Variants in DDX43 observed in about 807,000 individuals in gnomAD.
DDX43 encodes DEAD-box helicase 43.
Under a neutral mutation model 84.9 loss-of-function variants are expected in DDX43, and 50 were observed. The observed-to-expected ratio is 0.59, with a 90% confidence interval of 0.47 to 0.75. DDX43 has a LOEUF of 0.75. Among genes scored for constraint, DDX43 ranks in the 30% least tolerant of loss-of-function variants. DDX43 has a pLI of 0.00. For missense variants in DDX43, 689 were observed against 798.6 expected (o/e 0.86, Z 1.65); for synonymous variants, 291 against 266.3 (o/e 1.09, Z -0.90).
In DDX43 at chr6:73,405,752, A is replaced by G; in HGVS notation, c.724A>G (p.Thr242Ala). 1 of 1,614,152 alleles carries G rather than the reference A, an allele frequency of 6.2e-7. No individual in the cohort carries two copies. The highest frequency in any genetic ancestry group is 1.1e-5 in the South Asian group (1 of 91,080). The change falls in exon 6 of 17, where the codon ACA (threonine) becomes GCA (alanine). Residue 242 changes from threonine to alanine, a missense_variant. Transcript: ENST00000370336. ...EKRPIPNPTC[T>A]FDDAFQCYPE... ...ACGACCTATCCCCAATCCTACCTGC[A>G]CATTTGATGACGCCTTTCAATGTTA...
intron 12 of DDX43, 62 bp from the exon 13 acceptor site, chr6:73,413,908 G>GA: frequency 6.6e-7 from 1 of 1,524,014 alleles, no homozygotes; most frequent in Non-Finnish European, 9.0e-7. Context: ...TTTGCTAACA[G>GA]AAGTAAAACT....
In DDX43 at chr6:73,417,263, G is replaced by A. The variant is rs1052037799; in HGVS notation, c.*102G>A. On this transcript the variant is annotated 3_prime_UTR_variant, in exon 17 of 17. Coordinates refer to ENST00000370336, the MANE Select transcript of DDX43 (RefSeq NM_018665.3). Reference sequence around the variant, plus strand: ...CAGTATGAAGAGACCGGACTGATTTGACTGATTCTTAAAATAATAGTGTTT... The same window carrying A: ...CAGTATGAAGAGACCGGACTGATTTAACTGATTCTTAAAATAATAGTGTTT... 3.9e-5 allele frequency: 6 copies of A among 152,140 alleles called. No homozygotes were observed. The allele number at this position is 152,140 out of a possible 1,614,324, so 9.4% of individuals were successfully genotyped here. A position where few individuals can be genotyped will look rare whatever the true frequency, so the allele number is the denominator to read the frequency against.
At chr6:73,407,094 A>T (rs1229238697) in intron 7 of DDX43, 1 of 158,492 alleles carries the variant, frequency 6.3e-6, no homozygotes, top group East Asian at 1.9e-4. Flanking sequence ...GCATAGTCTG[A>T]CTATGTCTAA....
chr6:73,413,697 G>A lies in DDX43; in HGVS notation c.1408G>A (p.Glu470Lys), dbSNP rs139701102. ...SVKQNIIVTTEEEKWSHMQTF... is the reference protein window; with the variant it reads ...SVKQNIIVTTKEEKWSHMQTF... ...GAAGCAAAATATAATTGTAACCACC[G>A]AGGAAGAGAAATGGAGTCACATGCA... Residue 470 changes from glutamate (E) to lysine (K), a missense_variant, in exon 12 of 17, where the codon GAG (glutamate) becomes AAG (lysine). Physicochemically the swap from Glu to Lys is moderately conservative, Grantham distance 56. Coordinates refer to ENST00000370336, the MANE Select transcript of DDX43 (RefSeq NM_018665.3). 1.1e-5 allele frequency: 18 copies of A among 1,613,650 alleles called. No individual in the cohort carries two copies. The highest frequency in any genetic ancestry group is 6.7e-5 in the East Asian group (3 of 44,850).
In DDX43 at chr6:73,406,363, G is replaced by A. The variant is rs143150591; in HGVS notation, c.808-1G>A. The stretch of plus-strand genomic sequence containing the variant: ...TGTTAATGTTTATCATTCCGTTTCA[G>A]TCACAGGCATGGCCCATTGTGTTGC... On this transcript the variant is annotated splice_acceptor_variant, in intron 6 of 16. Transcript: ENST00000370336. LOFTEE classifies it high-confidence loss of function. The A allele has an allele frequency of 6.3e-7, 1 of 1,598,254 alleles. No homozygotes were observed. Among genetic ancestry groups the A allele is most frequent in the African/African-American group, 1.3e-5 (1 of 74,580 alleles).
rs538597626 is a variant in DDX43, at chr6:73,412,668, T to TGTGTGC, written c.1368+377_1368+378insTGTGCG. Among the ~76,000 whole-genome samples, 281 of 108,392 alleles carry TGTGTGC rather than the reference T, an allele frequency of 2.6e-3. 7 individuals carry two copies. Among genetic ancestry groups the TGTGTGC allele is most frequent in the Middle Eastern group, 4.5e-3 (1 of 224 alleles). 71.1% of individuals were successfully genotyped at this position (108,392 alleles called of 152,430 possible). A position where few individuals can be genotyped will look rare whatever the true frequency, so the allele number is the denominator to read the frequency against. On this transcript the variant is annotated intron_variant, in intron 11 of 16. Coordinates refer to ENST00000370336, the MANE Select transcript of DDX43 (RefSeq NM_018665.3). ...GTGTGTGTGTGTGTGTGTGTGTGTG[T>TGTGTGC]GCGCGCGCGCGTGTGTGTGTGTGCG...
intron 12 of DDX43, 58 bp from the exon 13 acceptor site, chr6:73,413,912 T>C: frequency 6.5e-7 from 1 of 1,527,942 alleles, no homozygotes; most frequent in South Asian, 1.2e-5. Context: ...CTAACAGAAG[T>C]AAAACTGGTG....
Position 73,407,969 on chromosome 6 carries a change from A to C in DDX43, c.1047A>C (p.Val349=). 1 of 1,613,206 alleles carries C rather than the reference A, an allele frequency of 6.2e-7. No individual in the cohort carries two copies. Among genetic ancestry groups the C allele is most frequent in the Non-Finnish European group, 8.5e-7 (1 of 1,179,332 alleles). The change falls in exon 9 of 17, where the codon GTA becomes GTC. Residue 349 remains valine, a synonymous_variant. Transcript: ENST00000370336. Reference sequence around the variant, plus strand: ...ATTTTTTCTTTTTAAGTGTTTGTGTATATGGTGGTGGAAATAGAGATGAAC... The same window carrying C: ...ATTTTTTCTTTTTAAGTGTTTGTGTCTATGGTGGTGGAAATAGAGATGAAC... ...YSYKGLRSVC[V]YGGGNRDEQI... is the part of the protein sequence containing the mutation.
At chr6:73,415,475 G>GT (rs563618214) in intron 14 of DDX43, 22 bp from the exon 15 acceptor site, 4 of 1,569,722 alleles carry the variant, frequency 2.5e-6, no homozygotes, top group Admixed American at 3.4e-5. Context: ...GAATACATGA[G>GT]TTTTTTTCCC....
At position 73,407,527 on chromosome 6, in the gene DDX43, C is replaced by T. The variant is rs1306099411; in HGVS notation, c.949C>T (p.Pro317Ser). The T allele has an allele frequency of 6.2e-7, 1 of 1,612,904 alleles. No individual in the cohort carries two copies. Among genetic ancestry groups the T allele is most frequent in the Admixed American group, 1.7e-5 (1 of 59,954 alleles). ...QPSLKGQRNR[P>S]GMLVLTPTRE... Reference sequence around the variant, plus strand: ...AAGCCTTAAAGGTCAAAGGAATAGACCCGGCATGTTAGTTCTAACTCCCAC... The same window carrying T: ...AAGCCTTAAAGGTCAAAGGAATAGATCCGGCATGTTAGTTCTAACTCCCAC... Residue 317 changes from proline (P) to serine (S), a missense_variant, in exon 8 of 17, where the codon CCC (proline) becomes TCC (serine). By Grantham distance (74) the Pro-to-Ser change is moderately conservative. Transcript: ENST00000370336.
chr6:73,408,732 TTTTAGTA>T (rs1207083918), intron 9 of DDX43, among the ~76,000 whole-genome samples: 4 of 152,092 alleles, frequency 2.6e-5, no homozygotes, highest in Admixed American at 2.6e-4. Context: ...AATTTTTTCT[TTTTAGTA>T]GAGACGAGGT....
At chr6:73,407,751 C>A in intron 8 of DDX43, 136 bp downstream of exon 8, 1 of 790,574 alleles carries the variant, frequency 1.3e-6, no homozygotes, top group South Asian at 1.7e-5. Flanking sequence ...TAGCACTACT[C>A]TAATCAGTCA....
At position 73,401,330 on chromosome 6, in the gene DDX43, G is replaced by A. The variant is rs115993403; in HGVS notation, c.437-529G>A. ...TGCTTCCCAGGACTATTATTCTAACGACTGAGTAATGGGTATGACAATATT... is the reference window on the plus strand; with the variant it reads ...TGCTTCCCAGGACTATTATTCTAACAACTGAGTAATGGGTATGACAATATT... On this transcript the variant is annotated intron_variant, in intron 3 of 16. Coordinates refer to ENST00000370336, the MANE Select transcript of DDX43 (RefSeq NM_018665.3). Among the ~76,000 whole-genome samples the A allele has an allele frequency of 3.8e-3, 583 of 152,206 alleles. 3 individuals carry two copies. The highest frequency in any genetic ancestry group is 0.013 in the African/African-American group (557 of 41,540).
rs773396809 is a variant in DDX43 at position 73,414,607 on chromosome 6, G to A, written c.1666G>A (p.Val556Ile). Residue 556 changes from valine (V) to isoleucine (I), a missense_variant, in exon 14 of 17, where the codon GTT becomes ATT. Physicochemically the swap from Val to Ile is conservative, Grantham distance 29. Transcript: ENST00000370336. ...LASRGLDVHD[V>I]THVYNFDFPR... ...CTCTAGAGGACTTGATGTCCATGAC[G>A]TTACACATGTCTATAATTTTGACTT... 15 of 1,613,216 alleles carry A rather than the reference G, an allele frequency of 9.3e-6. No homozygotes were observed. The Admixed American group carries it at 1.2e-4, about 13-fold the overall frequency.
At chr6:73,411,621 C>T (rs1769785966) in intron 10 of DDX43, among the ~76,000 whole-genome samples, 2 of 151,948 alleles carry the variant, frequency 1.3e-5, no homozygotes, top group African/African-American at 4.8e-5. Flanking sequence ...TGAGCCACCA[C>T]ACACGGCCTT....
chr6:73,401,182 G>T, intron 3 of DDX43, among the ~76,000 whole-genome samples: 1 of 152,018 alleles, frequency 6.6e-6, no homozygotes, highest in Admixed American at 6.6e-5. Flanking sequence ...GTTTCACCAC[G>T]TTGCCTAGGC....
Position 73,395,169 on chromosome 6 carries a change from T to G in DDX43, c.250+14T>G, listed in dbSNP as rs376648908. Reference sequence around the variant, plus strand: ...GCGCGGTAATCGGTGAGAATGGGAGTGGCTGGCAGGGCAGGATAGGTGGGG... The same window carrying G: ...GCGCGGTAATCGGTGAGAATGGGAGGGGCTGGCAGGGCAGGATAGGTGGGG... On this transcript the variant is annotated intron_variant, in intron 1 of 16. Transcript: ENST00000370336. The G allele has an allele frequency of 6.9e-6, 11 of 1,598,358 alleles. No homozygotes were observed. Among genetic ancestry groups the G allele is most frequent in the Middle Eastern group, 1.7e-4 (1 of 5,910 alleles).
At position 73,412,638 on chromosome 6, in the gene DDX43, A is replaced by AGTGTGTGTGTGTGTGTGTGTGT. The variant is rs66577187; in HGVS notation, c.1368+356_1368+377dup. Among the ~76,000 whole-genome samples, 3 of 59,724 alleles carry AGTGTGTGTGTGTGTGTGTGTGT rather than the reference A, an allele frequency of 5.0e-5. No individual in the cohort carries two copies. In the East Asian group the frequency reaches 1.3e-3, roughly 26 times the overall value. 39.2% of individuals were successfully genotyped at this position (59,724 alleles called of 152,430 possible). On this transcript the variant is annotated intron_variant, in intron 11 of 16. Coordinates refer to ENST00000370336, the MANE Select transcript of DDX43 (RefSeq NM_018665.3). ...CTGGGTTCAAGTGATATATATATAT[A>AGTGTGTGTGTGTGTGTGTGTGT]GTGTGTGTGTGTGTGTGTGTGTGTG...
At chr6:73,398,417 A>T (rs961385287) in intron 2 of DDX43, among the ~76,000 whole-genome samples, 2 of 151,466 alleles carry the variant, frequency 1.3e-5, no homozygotes, top group Non-Finnish European at 1.5e-5. Flanking sequence ...ATATCTGGCT[A>T]ATTTTTGTAT....
Sources: gnomAD v4.1 joint callset for allele counts (sites outside exome capture counted in the v4.1 genomes callset) on GRCh38, gnomAD v4.1.1 for gene constraint, MANE v1.5 for transcripts, NCBI Gene and HGNC (gene_info 2026-07-23, HGNC 2026-07-21) for gene names.